The following PITRM1 variants were observed in gnomAD, a reference collection of about 807,000 sequenced individuals.
PITRM1 encodes the protein presequence protease, mitochondrial.
A neutral mutation model predicts 129.9 loss-of-function variants in PITRM1; 100 were observed. That is an observed-to-expected ratio of 0.77 (90% CI 0.65 to 0.91). PITRM1 has a LOEUF of 0.91. Ranked by LOEUF, PITRM1 falls within the 40% of genes least tolerant of loss-of-function variation. The pLI is 0.00. For missense variants in PITRM1, 1,471 were observed against 1,318.3 expected, an observed-to-expected ratio of 1.12 and a Z score of -1.79; for synonymous variants, 591 against 508.8, an observed-to-expected ratio of 1.16 and a Z score of -2.17.
chr10:3,147,573 T>G lies in PITRM1; in HGVS notation c.2234A>C (p.Gln745Pro), dbSNP rs775282398. Residue 745 changes from glutamine to proline, a missense_variant and splice_region_variant, in exon 19 of 27, where the codon CAG becomes CCG. By Grantham distance (76) the Gln-to-Pro change is moderately conservative. Coordinates refer to ENST00000224949, the MANE Select transcript of PITRM1 (RefSeq NM_014889.4). Reference protein sequence around the residue: ...DLQETFSGMDQVRLMKRIAEM... With the variant: ...DLQETFSGMDPVRLMKRIAEM... Reference sequence around the variant, plus strand: ...AGAGGTTCCTTCCAAGCTTCCCACCTGATCCATCCCGCTGAAGGTCTCCTG... The same window carrying G: ...AGAGGTTCCTTCCAAGCTTCCCACCGGATCCATCCCGCTGAAGGTCTCCTG... 16 of 1,613,838 alleles carry G rather than the reference T, an allele frequency of 9.9e-6. No homozygotes were observed. The highest frequency in any genetic ancestry group is 1.3e-5 in the African/African-American group (1 of 74,952).
rs2279219 is a variant in PITRM1, at chr10:3,138,965, G to A, written c.2856C>T (p.Ile952=). 129 of 1,613,710 alleles carry A rather than the reference G, an allele frequency of 8.0e-5. No individual in the cohort carries two copies. In the African/African-American group the frequency reaches 8.9e-4, roughly 11 times the overall value. Residue 952 remains isoleucine (I), a synonymous_variant, in exon 25 of 27, where the codon ATC becomes ATT. Transcript: ENST00000224949. ...AKSGKFTQQD[I]DEAKLSVFST... The stretch of plus-strand genomic sequence containing the variant: ...AGAAGACAGAAAGTTTGGCTTCGTC[G>A]ATGTCTTGCTGTGTGAATTTTCCAG...
intron 3 of PITRM1, 142 bp from the exon 4 acceptor site, chr10:3,166,522 G>C: frequency 1.9e-6 from 1 of 532,816 alleles, no homozygotes; most frequent in Non-Finnish European, 3.3e-6. Flanking sequence ...CAACTATAAT[G>C]TAAATCATTG....
At chr10:3,150,598 C>A (rs1203758179) in intron 15 of PITRM1, among the ~76,000 whole-genome samples, 1 of 152,170 alleles carries the variant, frequency 6.6e-6, no homozygotes, top group Non-Finnish European at 1.5e-5. Context: ...GTAAGCTCAG[C>A]ATCAACACTG....
intron 14 of PITRM1, 127 bp from the exon 15 acceptor site, chr10:3,151,490 G>T: frequency 1.6e-6 from 1 of 640,272 alleles, no homozygotes; most frequent in Non-Finnish European, 2.8e-6. Flanking sequence ...GAGTACAGGA[G>T]CACTGTGGTT....
intron 14 of PITRM1, 138 bp from the exon 15 acceptor site, chr10:3,151,501 T>C (rs755692795): frequency 3.2e-6 from 2 of 619,690 alleles, no homozygotes; most frequent in Non-Finnish European, 5.8e-6. Flanking sequence ...CACTGTGGTT[T>C]GCAAAGTATC....
At chr10:3,169,527 C>G (rs1477767060) in intron 2 of PITRM1, among the ~76,000 whole-genome samples, 2 of 152,218 alleles carry the variant, frequency 1.3e-5, no homozygotes, top group African/African-American at 4.8e-5. Flanking sequence ...TAGCACAAAG[C>G]CAACAGCTGG....
chr10:3,157,397 T>C (rs1842064440), intron 12 of PITRM1, 38 bp downstream of exon 12: 2 of 1,294,348 alleles, frequency 1.5e-6, no homozygotes, highest in Admixed American at 4.4e-5. Flanking sequence ...AAAATGTCTA[T>C]TATAAAACAA....
At chr10:3,143,755 G>A in intron 22 of PITRM1, 1 of 688,366 alleles carries the variant, frequency 1.5e-6, no homozygotes, top group East Asian at 2.9e-5. Flanking sequence ...CTCCAATCTT[G>A]ACGTGATGCC....
chr10:3,162,196 G>A (rs1187129850), intron 7 of PITRM1, among the ~76,000 whole-genome samples: 4 of 148,422 alleles, frequency 2.7e-5, no homozygotes, highest in African/African-American at 9.9e-5. Context: ...AGCCTCTTCT[G>A]TCACCATTAA....
chr10:3,172,645 G>C, intron 1 of PITRM1, 72 bp downstream of exon 1: 1 of 1,363,300 alleles, frequency 7.3e-7, no homozygotes, highest in Non-Finnish European at 9.8e-7. Flanking sequence ...GGACCCCTAC[G>C]CCTCCGGCCT....
chr10:3,148,661 T>G (rs4881113), intron 16 of PITRM1: 40,059 of 176,772 alleles, frequency 0.23, 4,824 homozygotes, highest in Non-Finnish European at 0.27. Flanking sequence ...CCGTGATACA[T>G]ACTTCCTTTG....
intron 14 of PITRM1, among the ~76,000 whole-genome samples, chr10:3,152,981 G>C (rs7905029): frequency 0.47 from 71,764 of 152,158 alleles, 17,397 homozygotes; most frequent in South Asian, 0.54. Context: ...CACAAGACCA[G>C]AAATCGGAAG....
chr10:3,169,740 C>G (rs1244974992), intron 2 of PITRM1, among the ~76,000 whole-genome samples: 1 of 152,204 alleles, frequency 6.6e-6, no homozygotes, highest in Non-Finnish European at 1.5e-5. Context: ...TTAGAGCAAG[C>G]TATTTGATGG....
chr10:3,163,580 G>A, intron 7 of PITRM1, 145 bp downstream of exon 7: 1 of 689,792 alleles, frequency 1.4e-6, no homozygotes, highest in Admixed American at 2.9e-5. Flanking sequence ...AGTAAGATAG[G>A]CAAACTTAGG....
intron 24 of PITRM1, among the ~76,000 whole-genome samples, chr10:3,140,033 C>T (rs1469209779): frequency 1.3e-5 from 2 of 152,240 alleles, no homozygotes; most frequent in African/African-American, 4.8e-5. Context: ...AGGACCCCCA[C>T]GGCAGGGCTG....
intron 22 of PITRM1, 66 bp downstream of exon 22, chr10:3,144,226 G>A: frequency 1.1e-6 from 1 of 873,510 alleles, no homozygotes; most frequent in East Asian, 2.7e-5. Flanking sequence ...TCGAACATCA[G>A]TGGCAGACAC....
intron 22 of PITRM1, 88 bp downstream of exon 22, chr10:3,144,200 GCGGA>G: frequency 1.4e-6 from 1 of 731,996 alleles, no homozygotes; most frequent in Non-Finnish European, 2.4e-6. Flanking sequence ...CCACAGACAG[GCGGA>G]CGGAGGAACA....
intron 15 of PITRM1, 26 bp from the exon 16 acceptor site, chr10:3,149,779 T>G (rs773708681): frequency 6.2e-7 from 1 of 1,612,812 alleles, no homozygotes; most frequent in Non-Finnish European, 8.5e-7. Context: ...GGATTTAATT[T>G]TTATTGCTGC....
rs1316796918 is a variant in PITRM1, at chr10:3,147,692, C to T, written c.2115G>A (p.Met705Ile). The change falls in exon 19 of 27, where the codon ATG (methionine) becomes ATA (isoleucine). Residue 705 changes from methionine (M) to isoleucine (I), a missense_variant. Physicochemically the swap from Met to Ile is conservative, Grantham distance 10. Coordinates refer to ENST00000224949, the MANE Select transcript of PITRM1 (RefSeq NM_014889.4). Reference sequence around the variant, plus strand: ...TTCCATTGGCGAGCTCCTGGGCGGTCATCTTCACCAGCACCTTGAAGTGCT... The same window carrying T: ...TTCCATTGGCGAGCTCCTGGGCGGTTATCTTCACCAGCACCTTGAAGTGCT... ...EEEHFKVLVK[M>I]TAQELANGIP... 3.1e-6 allele frequency: 5 copies of T among 1,612,424 alleles called. No homozygotes were observed. The highest frequency in any genetic ancestry group is 4.2e-6 in the Non-Finnish European group (5 of 1,179,318).
Sources: gnomAD v4.1 joint callset for allele counts (sites outside exome capture counted in the v4.1 genomes callset) on GRCh38, gnomAD v4.1.1 for gene constraint, MANE v1.5 for transcripts, NCBI Gene and HGNC (gene_info 2026-07-23, HGNC 2026-07-21) for gene names.